The following DCAF5 variants were observed in gnomAD, a reference collection of about 807,000 sequenced individuals.
DCAF5 encodes DDB1 and CUL4 associated factor 5.
A neutral mutation model predicts 80.7 loss-of-function variants in DCAF5; 9 were observed. The observed-to-expected ratio is 0.11, with a 90% CI of 0.07 to 0.19. DCAF5 has a LOEUF of 0.19. DCAF5 is among the 10% of genes least tolerant of loss of function. The pLI, the probability that DCAF5 is intolerant of heterozygous loss-of-function variation, is 1.00. For missense variants in DCAF5, 842 were observed against 1,205.7 expected (o/e 0.70, Z 4.47); for synonymous variants, 433 against 461.9 (o/e 0.94, Z 0.80).
At chr14:69,075,112 GAA>G (rs2038850634) in intron 7 of DCAF5, among the ~76,000 whole-genome samples, 1 of 151,916 alleles carries the variant, frequency 6.6e-6, no homozygotes, top group African/African-American at 2.4e-5. Flanking sequence ...GAAGTCTGAA[GAA>G]AAGTTTTTAG....
intron 8 of DCAF5, among the ~76,000 whole-genome samples, chr14:69,059,128 C>T (rs1228536572): frequency 6.6e-6 from 1 of 152,068 alleles, no homozygotes; most frequent in Non-Finnish European, 1.5e-5. Context: ...ACTCTGTCAC[C>T]CATGCTGGAG....
At chr14:69,070,011 G>A (rs1282416727) in intron 7 of DCAF5, among the ~76,000 whole-genome samples, 1 of 152,160 alleles carries the variant, frequency 6.6e-6, no homozygotes, top group Non-Finnish European at 1.5e-5. Context: ...GTTGTTGGTG[G>A]TGGTATTATC....
intron 1 of DCAF5, among the ~76,000 whole-genome samples, chr14:69,148,868 G>A (rs2041623219): frequency 6.6e-6 from 1 of 152,156 alleles, no homozygotes; most frequent in Admixed American, 6.5e-5. Flanking sequence ...CAAACACTTT[G>A]TGACTGGTAG....
At chr14:69,096,061 A>G (rs1448264525) in intron 5 of DCAF5, among the ~76,000 whole-genome samples, 9 of 152,350 alleles carry the variant, frequency 5.9e-5, no homozygotes, top group South Asian at 2.1e-4. Flanking sequence ...TGTATTTCCT[A>G]TAATACAACC....
Position 69,052,524 on chromosome 14 carries a change from C to T in DCAF5, c.*1333G>A, listed in dbSNP as rs899788283. On this transcript the variant is annotated 3_prime_UTR_variant, in exon 9 of 9. Coordinates refer to ENST00000341516, the MANE Select transcript of DCAF5 (RefSeq NM_003861.3). The stretch of plus-strand genomic sequence containing the variant: ...AGATATCTGGTCATTCCCAGACCTT[C>T]CTGTTTTGCACAACCCTTCATAGAT... 13 of 152,660 alleles carry T rather than the reference C, an allele frequency of 8.5e-5. No individual in the cohort carries two copies. Among genetic ancestry groups the T allele is most frequent in the Non-Finnish European group, 1.6e-4 (11 of 68,054 alleles). 9.5% of individuals were successfully genotyped at this position (152,660 alleles called of 1,614,324 possible). A position where few individuals can be genotyped will look rare whatever the true frequency, so the allele number is the denominator to read the frequency against.
At chr14:69,074,082 T>C (rs2038808385) in intron 7 of DCAF5, among the ~76,000 whole-genome samples, 1 of 152,210 alleles carries the variant, frequency 6.6e-6, no homozygotes, top group Non-Finnish European at 1.5e-5. Flanking sequence ...TGTTGAGTTA[T>C]GCCAAAAGTA....
At chr14:69,084,547 C>T (rs537588574) in intron 6 of DCAF5, 16 of 756,570 alleles carry the variant, frequency 2.1e-5, no homozygotes, top group East Asian at 1.7e-4. Context: ...GTGTTGATGA[C>T]GATAAAGCTA....
chr14:69,145,691 C>T lies in DCAF5; in HGVS notation c.214+7074G>A, dbSNP rs535296833. On this transcript the variant is annotated intron_variant, in intron 1 of 8. Transcript: ENST00000341516. ...TATTTTTTTAAACAATGTGAGGCAA[C>T]AAAAATTGAAAACAGAACTGATTCC... Among the ~76,000 whole-genome samples, 215 of 152,178 alleles carry T rather than the reference C, an allele frequency of 1.4e-3. 5 individuals are homozygous for T. The South Asian group carries it at 0.028, about 20-fold the overall frequency.
At chr14:69,064,274 T>C (rs1003489280) in intron 7 of DCAF5, among the ~76,000 whole-genome samples, 10 of 152,372 alleles carry the variant, frequency 6.6e-5, no homozygotes, top group South Asian at 6.2e-4. Context: ...AGGTTCATTA[T>C]GACAAGTAGC....
chr14:69,103,966 G>C (rs1375159935), intron 5 of DCAF5, among the ~76,000 whole-genome samples: 1 of 152,166 alleles, frequency 6.6e-6, no homozygotes, highest in Non-Finnish European at 1.5e-5. Context: ...CTGAGTAGCA[G>C]TCTGTGGTAT....
chr14:69,146,502 G>A (rs1489332055), intron 1 of DCAF5, among the ~76,000 whole-genome samples: 1 of 152,034 alleles, frequency 6.6e-6, no homozygotes, highest in African/African-American at 2.4e-5. Flanking sequence ...ATCTCTACAG[G>A]CCTTCTTTCT....
At chr14:69,120,694 T>C (rs1427486442) in intron 2 of DCAF5, among the ~76,000 whole-genome samples, 1 of 152,190 alleles carries the variant, frequency 6.6e-6, no homozygotes, top group Non-Finnish European at 1.5e-5. Context: ...GGCCTGGCTG[T>C]AAATTCTACT....
intron 6 of DCAF5, chr14:69,085,278 G>T (rs1373375692): frequency 1.4e-6 from 1 of 716,852 alleles, no homozygotes; most frequent in African/African-American, 1.8e-5. Context: ...AGCAGAAAAA[G>T]CGAGTAGGCA....
At chr14:69,085,970 A>T (rs2039302836) in intron 6 of DCAF5, among the ~76,000 whole-genome samples, 1 of 152,212 alleles carries the variant, frequency 6.6e-6, no homozygotes. Flanking sequence ...TTTTGCTAAC[A>T]ATTCGATTTG....
rs186802826 is a variant in DCAF5, at chr14:69,109,611, C to T, written c.665+6755G>A. ...GAATTCTTTTATTCAATATTATGAC[C>T]GTGAGATTCATCCATGTCAATGTGT... On this transcript the variant is annotated intron_variant, in intron 5 of 8. Coordinates refer to ENST00000341516, the MANE Select transcript of DCAF5 (RefSeq NM_003861.3). 2.8e-4 allele frequency among the ~76,000 whole-genome samples: 42 copies of T among 152,174 alleles called. No individual in the cohort carries two copies. In the East Asian group the frequency reaches 7.3e-3, roughly 27 times the overall value.
chr14:69,084,229 G>T, intron 6 of DCAF5: 1 of 1,015,134 alleles, frequency 9.9e-7, no homozygotes, highest in South Asian at 1.3e-5. Flanking sequence ...CCTATGGGTT[G>T]ATAATGGGTG....
chr14:69,118,175 C>T lies in DCAF5; in HGVS notation c.499G>A (p.Val167Ile). The part of the protein sequence containing the change: ...IFASSSDDGR[V>I]LIWDIRESPH... The stretch of plus-strand genomic sequence containing the variant: ...GATTCCCGAATGTCCCAAATGAGAA[C>T]CCGGCCATCATCTGAGGAACTGGCA... The change falls in exon 4 of 9, where the codon GTT becomes ATT. Residue 167 changes from valine to isoleucine, a missense_variant. Transcript: ENST00000341516. The surrounding 1 kb of genome is among the most constrained non-coding windows in gnomAD (Gnocchi z 4.0). 5.0e-6 allele frequency: 8 copies of T among 1,613,988 alleles called. No homozygotes were observed. The highest frequency in any genetic ancestry group is 6.8e-6 in the Non-Finnish European group (8 of 1,179,902).
chr14:69,124,622 A>G (rs771751275), intron 1 of DCAF5, among the ~76,000 whole-genome samples: 2 of 152,208 alleles, frequency 1.3e-5, no homozygotes, highest in Non-Finnish European at 2.9e-5. Flanking sequence ...CTGGCCTAGG[A>G]TAGTATCTAA....
chr14:69,072,205 T>C (rs1010458981), intron 7 of DCAF5, among the ~76,000 whole-genome samples: 3 of 152,160 alleles, frequency 2.0e-5, no homozygotes, highest in African/African-American at 7.2e-5. Flanking sequence ...ATTTCAATAG[T>C]AGAAAGTCAA....
Sources: gnomAD v4.1 joint callset for allele counts (sites outside exome capture counted in the v4.1 genomes callset) on GRCh38, gnomAD v4.1.1 for gene constraint, Gnocchi (gnomAD v3.1) non-coding constraint, MANE v1.5 for transcripts, NCBI Gene and HGNC (gene_info 2026-07-23, HGNC 2026-07-21) for gene names.